Variants in CECR2 observed in about 807,000 individuals in gnomAD.
CECR2 encodes CECR2 histone acetyl-lysine reader.
Under a neutral mutation model 154.5 loss-of-function variants are expected in CECR2, and 30 were observed. The ratio of observed to expected loss-of-function variants is 0.19; its 90% CI spans 0.15 to 0.26. CECR2 has a LOEUF of 0.26. CECR2 is among the 10% of genes least tolerant of loss of function. CECR2 has a pLI of 1.00. For missense variants in CECR2, 1,743 were observed against 1,829.3 expected, an observed-to-expected ratio of 0.95 and a Z score of 0.86; for synonymous variants, 725 against 683.7, an observed-to-expected ratio of 1.06 and a Z score of -0.94.
intron 8 of CECR2, among the ~76,000 whole-genome samples, chr22:17,516,076 G>T (rs903764782): frequency 1.3e-5 from 2 of 152,100 alleles, no homozygotes; most frequent in Non-Finnish European, 2.9e-5. Flanking sequence ...TATTATATAT[G>T]TATGTGACTT....
chr22:17,540,455 G>A lies in CECR2; in HGVS notation c.1539G>A (p.Arg513=), dbSNP rs1217922361. 1.9e-6 allele frequency: 3 copies of A among 1,588,536 alleles called. No homozygotes were observed. In the Admixed American group the frequency reaches 5.3e-5, roughly 28 times the overall value. The change falls in exon 14 of 19, where the codon CGG becomes CGA. Residue 513 remains arginine, a synonymous_variant. Transcript: ENST00000262608. ...MSDNLERCFH[R]AMMKHFPGED... is the part of the protein sequence containing the mutation. ...ATAATTTAGAGAGGTGTTTCCATCGGGCAATGATGAAACATTTTCCTGGAG... is the reference window on the plus strand; with the variant it reads ...ATAATTTAGAGAGGTGTTTCCATCGAGCAATGATGAAACATTTTCCTGGAG...
At chr22:17,418,364 C>CT (rs1601323334) in intron 1 of CECR2, among the ~76,000 whole-genome samples, 1 of 152,320 alleles carries the variant, frequency 6.6e-6, no homozygotes, top group East Asian at 1.9e-4. Flanking sequence ...CTGCACTGCG[C>CT]TGTAGCTTAG....
chr22:17,415,388 C>T (rs181187668), intron 1 of CECR2, among the ~76,000 whole-genome samples: 5 of 152,128 alleles, frequency 3.3e-5, no homozygotes, highest in East Asian at 1.9e-4. Flanking sequence ...CAGACAGGGG[C>T]GCGCCACCGT....
chr22:17,552,081 C>T lies in CECR2; in HGVS notation c.4328C>T (p.Thr1443Ile), dbSNP rs1038790936. Residue 1443 changes from threonine (T) to isoleucine (I), a missense_variant, in exon 18 of 19, where the codon ACA (threonine) becomes ATA (isoleucine). Thr to Ile is a moderately conservative substitution (Grantham distance 89). Transcript: ENST00000262608. ...QSQASFPKTP[T>I]AATSQEEVPP... Reference sequence around the variant, plus strand: ...CAGGCCTCGTTCCCAAAGACCCCCACAGCAGCAACATCACAGGAGGAGGTG... The same window carrying T: ...CAGGCCTCGTTCCCAAAGACCCCCATAGCAGCAACATCACAGGAGGAGGTG... 1.2e-6 allele frequency: 2 copies of T among 1,614,034 alleles called. No individual in the cohort carries two copies. The highest frequency in any genetic ancestry group is 1.3e-5 in the African/African-American group (1 of 75,058).
chr22:17,375,738 T>C (rs1333431069), intron 1 of CECR2, among the ~76,000 whole-genome samples: 6 of 151,938 alleles, frequency 3.9e-5, no homozygotes, highest in African/African-American at 9.7e-5. Flanking sequence ...GGGCGGATCA[T>C]GAGGTCAGGA....
At chr22:17,509,403 A>G (rs2146916098) in intron 7 of CECR2, among the ~76,000 whole-genome samples, 1 of 149,772 alleles carries the variant, frequency 6.7e-6, no homozygotes, top group Non-Finnish European at 1.5e-5. Flanking sequence ...TCTTGATACC[A>G]TTCCATTTCA....
Position 17,548,311 on chromosome 22 carries a change from C to T in CECR2, c.3024C>T (p.Ser1008=). The change falls in exon 17 of 19, where the codon AGC becomes AGT. Residue 1008 remains serine, a synonymous_variant. Coordinates refer to ENST00000262608, the MANE Select transcript of CECR2 (RefSeq NM_001290047.2). The stretch of plus-strand genomic sequence containing the variant: ...CAGTGGGCCCGGAGCTCAAAAGCAG[C>T]TCCTCCGAATCTGCGGACAACTGTA... ...RETVGPELKS[S]SSESADNCKA... 1 of 1,610,600 alleles carries T rather than the reference C, an allele frequency of 6.2e-7. No individual in the cohort carries two copies. The highest frequency in any genetic ancestry group is 8.5e-7 in the Non-Finnish European group (1 of 1,178,400).
intron 1 of CECR2, among the ~76,000 whole-genome samples, chr22:17,464,730 G>A (rs2054998750): frequency 6.6e-6 from 1 of 152,000 alleles, no homozygotes; most frequent in East Asian, 1.9e-4. Context: ...TAAACTCCTC[G>A]ACTCAAGCAG....
At position 17,494,090 on chromosome 22, in the gene CECR2, TTTTCTTTC is replaced by T. The variant is rs113949798; in HGVS notation, c.222-3297_222-3290del. Among the ~76,000 whole-genome samples the T allele has an allele frequency of 3.3e-5, 5 of 152,110 alleles. No individual in the cohort carries two copies. In the South Asian group the frequency reaches 6.2e-4, roughly 19 times the overall value. On this transcript the variant is annotated intron_variant, in intron 2 of 18. Coordinates refer to ENST00000262608, the MANE Select transcript of CECR2 (RefSeq NM_001290047.2). The stretch of plus-strand genomic sequence containing the variant: ...CAGTTTTTAAAAAAACACTTTTTCA[TTTTCTTTC>T]TTTCTTTCTTTCTTTTTGGAGACGG...
intron 13 of CECR2, among the ~76,000 whole-genome samples, chr22:17,539,964 T>TG (rs1218843336): frequency 6.6e-6 from 1 of 152,162 alleles, no homozygotes; most frequent in Non-Finnish European, 1.5e-5. Context: ...CCCAAGTAGC[T>TG]GGGACTATCG....
rs191940184 is a variant in CECR2 at position 17,417,680 on chromosome 22, G to A, written c.126+47771G>A. ...TTCAGCCAGGCTGGAGTGCAGTAGC[G>A]TGATCTTGGCTCACTGCAACCTCTG... On this transcript the variant is annotated intron_variant, in intron 1 of 18. Coordinates refer to ENST00000262608, the MANE Select transcript of CECR2 (RefSeq NM_001290047.2). Among the ~76,000 whole-genome samples, 10 of 152,152 alleles carry A rather than the reference G, an allele frequency of 6.6e-5. No individual in the cohort carries two copies. The East Asian group carries it at 1.7e-3, about 26-fold the overall frequency.
At chr22:17,530,072 G>A (rs1472875642) in intron 9 of CECR2, among the ~76,000 whole-genome samples, 1 of 152,068 alleles carries the variant, frequency 6.6e-6, no homozygotes, top group Non-Finnish European at 1.5e-5. Context: ...ATAATGATGT[G>A]AAGATCTACC....
chr22:17,545,332 G>GC (rs1281276933), intron 16 of CECR2, among the ~76,000 whole-genome samples: 1 of 109,454 alleles, frequency 9.1e-6, no homozygotes, highest in Non-Finnish European at 1.7e-5. Context: ...CCGAGATCAC[G>GC]CCACTGCACT....
intron 1 of CECR2, among the ~76,000 whole-genome samples, chr22:17,379,137 A>C (rs1162934462): frequency 1.3e-5 from 2 of 152,124 alleles, no homozygotes; most frequent in East Asian, 3.9e-4. Context: ...TTGTATTTTT[A>C]GTAGAGACAG....
intron 8 of CECR2, 25 bp from the exon 9 acceptor site, chr22:17,524,093 G>A (rs9618043): frequency 0.019 from 28,951 of 1,545,258 alleles, 342 homozygotes; most frequent in African/African-American, 0.045. Flanking sequence ...TGTACTGACC[G>A]GATGTGCTCA....
At chr22:17,370,328 G>A (rs1403089225) in intron 1 of CECR2, among the ~76,000 whole-genome samples, 2 of 149,500 alleles carry the variant, frequency 1.3e-5, no homozygotes, top group Admixed American at 6.6e-5. Context: ...GCGGGGGGGG[G>A]GCCCGCGCGG....
Position 17,540,451 on chromosome 22 carries a change from A to T in CECR2, c.1535A>T (p.His512Leu), listed in dbSNP as rs765286729. The T allele has an allele frequency of 6.3e-7, 1 of 1,580,206 alleles. No individual in the cohort carries two copies. Among genetic ancestry groups the T allele is most frequent in the East Asian group, 2.2e-5 (1 of 44,476 alleles). Reference protein sequence around the residue: ...KMSDNLERCFHRAMMKHFPGE... With the variant: ...KMSDNLERCFLRAMMKHFPGE... ...TCTGATAATTTAGAGAGGTGTTTCCATCGGGCAATGATGAAACATTTTCCT... is the reference window on the plus strand; with the variant it reads ...TCTGATAATTTAGAGAGGTGTTTCCTTCGGGCAATGATGAAACATTTTCCT... Residue 512 changes from histidine (H) to leucine (L), a missense_variant, in exon 14 of 19, where the codon CAT becomes CTT. By Grantham distance (99) the His-to-Leu change is moderately conservative (BLOSUM62 -3). This residue lies in a region of CECR2 where 103 missense variants were observed against 166.8 expected (regional missense o/e 0.62). Transcript: ENST00000262608.
At chr22:17,508,355 AT>A (rs2055883532) in intron 7 of CECR2, among the ~76,000 whole-genome samples, 1 of 151,836 alleles carries the variant, frequency 6.6e-6, no homozygotes, top group African/African-American at 2.4e-5. Context: ...TGCAAGCTCC[AT>A]TCATGATAAG....
intron 2 of CECR2, among the ~76,000 whole-genome samples, chr22:17,485,312 G>A (rs898628427): frequency 4.6e-5 from 7 of 152,258 alleles, no homozygotes; most frequent in East Asian, 1.9e-4. Flanking sequence ...CTGCAGCCCC[G>A]TGCTGTCAAT....
Sources: gnomAD v4.1 joint callset for allele counts (sites outside exome capture counted in the v4.1 genomes callset) on GRCh38, gnomAD v4.1.1 for gene constraint, gnomAD v4.1.1 regional missense constraint, MANE v1.5 for transcripts, NCBI Gene and HGNC (gene_info 2026-07-23, HGNC 2026-07-21) for gene names.